The following PLEKHM1 variants were observed in gnomAD, a reference collection of about 807,000 sequenced individuals.
The protein encoded by PLEKHM1 is pleckstrin homology and RUN domain containing M1, also known as pleckstrin homology domain-containing family M member 1.
A neutral mutation model predicts 94.3 loss-of-function variants in PLEKHM1; 28 were observed. The observed-to-expected ratio is 0.30, with a 90% CI of 0.22 to 0.41. The LOEUF (loss-of-function observed/expected upper bound fraction) is 0.41. PLEKHM1 is among the 10% of genes least tolerant of loss of function. PLEKHM1 has a pLI of 1.00. For missense variants in PLEKHM1, 907 were observed against 1,358.6 expected, an observed-to-expected ratio of 0.67 and a Z score of 5.22; for synonymous variants, 424 against 581.2, an observed-to-expected ratio of 0.73 and a Z score of 3.89.
chr17:45,490,620 C>T (rs1400528246), intron 1 of PLEKHM1, 32 bp downstream of exon 1: 1 of 432,650 alleles, frequency 2.3e-6, no homozygotes. Context: ...ACCACTCCGC[C>T]GCCCTCCTCG....
intron 6 of PLEKHM1, chr17:45,456,297 C>T (rs1236112755): frequency 6.6e-6 from 1 of 152,250 alleles, no homozygotes; most frequent in Non-Finnish European, 1.5e-5. Flanking sequence ...GACAGGGACA[C>T]TGCTTTGCTG....
intron 2 of PLEKHM1, among the ~76,000 whole-genome samples, chr17:45,478,868 T>C (rs996627343): frequency 1.6e-4 from 24 of 152,176 alleles, no homozygotes; most frequent in African/African-American, 5.1e-4. Context: ...GCCAGAGGAC[T>C]AGGCTCAGTC....
intron 6 of PLEKHM1, among the ~76,000 whole-genome samples, chr17:45,455,796 T>C (rs1289189912): frequency 6.6e-6 from 1 of 152,166 alleles, no homozygotes; most frequent in African/African-American, 2.4e-5. Flanking sequence ...TCCCCTGTAG[T>C]CCCTCAGCGT....
Position 45,437,981 on chromosome 17 carries a change from G to A in PLEKHM1, c.3060-12C>T. On this transcript the variant is annotated splice_polypyrimidine_tract_variant and intron_variant, in intron 11 of 11. Coordinates refer to ENST00000430334, the MANE Select transcript of PLEKHM1 (RefSeq NM_014798.3). This position sits in a 1 kb window ranked among gnomAD's most constrained non-coding sequence, Gnocchi z 4.0. ...TGCACTCGGCACACCTGGGGAGAGA[G>A]CAGTAGGCCTGCTGGTGCCGGCTGG... 1 of 1,604,844 alleles carries A rather than the reference G, an allele frequency of 6.2e-7. No individual in the cohort carries two copies. The highest frequency in any genetic ancestry group is 8.5e-7 in the Non-Finnish European group (1 of 1,172,616).
intron 4 of PLEKHM1, among the ~76,000 whole-genome samples, chr17:45,470,925 C>T (rs1420297004): frequency 6.6e-6 from 1 of 151,854 alleles, no homozygotes. Context: ...TTTGGCCTCA[C>T]AAAGTGATGG....
intron 5 of PLEKHM1, among the ~76,000 whole-genome samples, chr17:45,467,893 G>A (rs1277081978): frequency 2.6e-5 from 4 of 152,254 alleles, no homozygotes; most frequent in Admixed American, 2.6e-4. Flanking sequence ...TGGTTAAAGA[G>A]CTGAGACTGC....
chr17:45,477,581 T>C, intron 3 of PLEKHM1: 3 of 429,526 alleles, frequency 7.0e-6, no homozygotes, highest in Non-Finnish European at 1.3e-5. Context: ...TGTAACTATG[T>C]AACTCTGCCC....
At chr17:45,439,337 C>A in intron 11 of PLEKHM1, 140 bp downstream of exon 11, 1 of 953,462 alleles carries the variant, frequency 1.0e-6, no homozygotes, top group Non-Finnish European at 1.6e-6. Flanking sequence ...ACAACTGCAC[C>A]ACCCCTTGGC....
intron 1 of PLEKHM1, among the ~76,000 whole-genome samples, chr17:45,483,924 T>A (rs887126254): frequency 6.6e-6 from 1 of 152,224 alleles, no homozygotes; most frequent in African/African-American, 2.4e-5. Context: ...CCCAACTGCC[T>A]GAATGGGCCC....
chr17:45,457,055 T>C (rs2050973197), intron 6 of PLEKHM1, among the ~76,000 whole-genome samples: 1 of 151,650 alleles, frequency 6.6e-6, no homozygotes, highest in African/African-American at 2.4e-5. Context: ...GCAGTGCATG[T>C]CTGTAATCCC....
At chr17:45,490,252 G>A in intron 1 of PLEKHM1, among the ~76,000 whole-genome samples, 1 of 152,046 alleles carries the variant, frequency 6.6e-6, no homozygotes, top group Non-Finnish European at 1.5e-5. Context: ...GGGTCTCGGG[G>A]AGGTAAGCGC....
intron 9 of PLEKHM1, among the ~76,000 whole-genome samples, chr17:45,442,705 T>C (rs1206418146): frequency 8.5e-5 from 13 of 152,158 alleles, no homozygotes; most frequent in African/African-American, 2.2e-4. Flanking sequence ...GCACCTGGTC[T>C]TTTCAGAGTG....
chr17:45,466,585 G>A (rs370613925), intron 5 of PLEKHM1, among the ~76,000 whole-genome samples: 7 of 152,112 alleles, frequency 4.6e-5, no homozygotes, highest in South Asian at 2.1e-4. Flanking sequence ...ATTTAAGACC[G>A]GAATGACAAC....
Position 45,451,314 on chromosome 17 carries a change from G to A in PLEKHM1, c.2498-551C>T, listed in dbSNP as rs572461805. ...GAGTGTGCACAGTGTCTGATGCCTC[G>A]GGACTGTGGGGTAGGGCTGGCTTCA... On this transcript the variant is annotated intron_variant, in intron 7 of 11. Transcript: ENST00000430334. Among the ~76,000 whole-genome samples, 25 of 152,348 alleles carry A rather than the reference G, an allele frequency of 1.6e-4. 1 individual carries two copies. Among genetic ancestry groups the A allele is most frequent in the Admixed American group, 6.5e-5 (1 of 15,298 alleles).
chr17:45,451,795 C>G (rs1361401928), intron 7 of PLEKHM1, among the ~76,000 whole-genome samples: 4 of 152,120 alleles, frequency 2.6e-5, no homozygotes, highest in Admixed American at 1.3e-4. Flanking sequence ...CCGCAGCATT[C>G]ACACCCACAG....
chr17:45,470,274 T>A (rs1403759151), intron 4 of PLEKHM1, among the ~76,000 whole-genome samples: 1 of 152,276 alleles, frequency 6.6e-6, no homozygotes, highest in East Asian at 1.9e-4. Flanking sequence ...TGTAAAACTC[T>A]TAGAAGGAAA....
At chr17:45,464,897 G>T (rs1465468957) in intron 5 of PLEKHM1, among the ~76,000 whole-genome samples, 3 of 152,088 alleles carry the variant, frequency 2.0e-5, no homozygotes, top group Non-Finnish European at 4.4e-5. Flanking sequence ...TTTCACATTT[G>T]TCTCCTTCCT....
intron 5 of PLEKHM1, among the ~76,000 whole-genome samples, chr17:45,465,450 T>C (rs2051290064): frequency 6.6e-6 from 1 of 152,084 alleles, no homozygotes; most frequent in Non-Finnish European, 1.5e-5. Flanking sequence ...GGCTCATGCC[T>C]GTAATCCCAG....
chr17:45,490,167 T>C (rs192090591), intron 1 of PLEKHM1, among the ~76,000 whole-genome samples: 74 of 151,158 alleles, frequency 4.9e-4, no homozygotes, highest in Non-Finnish European at 6.9e-4. Context: ...GATGAGCAGA[T>C]CTTGGGGAGC....
Sources: allele counts gnomAD v4.1 joint callset (sites outside exome capture counted in the v4.1 genomes callset), GRCh38; gene constraint gnomAD v4.1.1; non-coding constraint Gnocchi (gnomAD v3.1); transcripts MANE v1.5; gene names NCBI Gene and HGNC (gene_info 2026-07-23, HGNC 2026-07-21).